Variants in DPP6 observed in about 807,000 individuals in gnomAD.
The protein encoded by DPP6 is A-type potassium channel modulatory protein DPP6.
In DPP6, 69 loss-of-function variants were observed where a neutral mutation model predicts 122.6. That is an observed-to-expected ratio of 0.56 (90% CI 0.46 to 0.69). The LOEUF (loss-of-function observed/expected upper bound fraction) is 0.69. Among genes scored for constraint, DPP6 ranks in the 30% least tolerant of loss-of-function variants. The pLI is 0.00. For missense variants in DPP6, 928 were observed against 1,116.9 expected (o/e 0.83, Z 2.41); for synonymous variants, 418 against 433.1 (o/e 0.97, Z 0.43).
At chr7:154,741,208 G>A (rs948373811) in intron 8 of DPP6, among the ~76,000 whole-genome samples, 2 of 152,222 alleles carry the variant, frequency 1.3e-5, no homozygotes, top group African/African-American at 4.8e-5. Flanking sequence ...TGGGTTATCT[G>A]AAGTGATCAT....
intron 1 of DPP6, 29 bp downstream of exon 1, chr7:154,053,092 C>T (rs1264443168): frequency 9.6e-7 from 1 of 1,043,618 alleles, no homozygotes; most frequent in Non-Finnish European, 1.2e-6. Flanking sequence ...CGGGGGGCGG[C>T]GGCGGGTTCT....
chr7:154,769,683 T>A (rs758018751), intron 9 of DPP6, 112 bp downstream of exon 9: 8 of 1,323,756 alleles, frequency 6.0e-6, no homozygotes, highest in Non-Finnish European at 7.9e-6. Flanking sequence ...GCAAAGCAGT[T>A]AACACAAGAA....
intron 1 of DPP6, among the ~76,000 whole-genome samples, chr7:154,102,776 C>T (rs1805845476): frequency 6.6e-6 from 1 of 152,180 alleles, no homozygotes; most frequent in African/African-American, 2.4e-5. Context: ...GCTTTGCTTC[C>T]AGCTCCTTTT....
At chr7:153,904,199 G>A (rs1031727866) in intron 1 of DPP6, among the ~76,000 whole-genome samples, 2 of 152,012 alleles carry the variant, frequency 1.3e-5, no homozygotes, top group African/African-American at 2.4e-5. Flanking sequence ...CTACAGGCAC[G>A]CACCACTATG....
intron 1 of DPP6, among the ~76,000 whole-genome samples, chr7:153,969,017 G>T (rs1285190754): frequency 5.3e-5 from 8 of 151,068 alleles, no homozygotes; most frequent in Admixed American, 4.6e-4. Context: ...TGGACATTGG[G>T]GTTCTTTCCA....
chr7:153,751,918 G>T, the DPP6 span, among the ~76,000 whole-genome samples: 1 of 151,916 alleles, frequency 6.6e-6, no homozygotes, highest in Admixed American at 6.6e-5. Context: ...TATGTATTAC[G>T]TTAGACATCA....
At chr7:154,725,418 T>A (rs1009128820) in intron 7 of DPP6, among the ~76,000 whole-genome samples, 1 of 152,160 alleles carries the variant, frequency 6.6e-6, no homozygotes, top group Non-Finnish European at 1.5e-5. Flanking sequence ...AGAAAACTTT[T>A]AATCATTGTA....
At chr7:154,815,876 C>A (rs1799395857) in intron 16 of DPP6, among the ~76,000 whole-genome samples, 1 of 152,204 alleles carries the variant, frequency 6.6e-6, no homozygotes, top group Admixed American at 6.5e-5. Context: ...AGACAGGCTT[C>A]TCCTTCTCCA....
rs538845157 is a variant in DPP6 at position 154,173,719 on chromosome 7, C to T, written c.243+120656C>T. Among the ~76,000 whole-genome samples, 13 of 152,294 alleles carry T rather than the reference C, an allele frequency of 8.5e-5. No homozygotes were observed. In the East Asian group the frequency reaches 2.1e-3, roughly 25 times the overall value. On this transcript the variant is annotated intron_variant, in intron 1 of 25. Coordinates refer to ENST00000377770, the MANE Select transcript of DPP6 (RefSeq NM_130797.4). ...TCTGTGTTATTGAAGGGGACAGACA[C>T]GGGATTCCTATTATGGCCAACGCAG... is the stretch of plus-strand genomic sequence containing the variant.
intron 1 of DPP6, among the ~76,000 whole-genome samples, chr7:154,071,283 A>C (rs1422839103): frequency 3.3e-5 from 5 of 152,168 alleles, no homozygotes; most frequent in Admixed American, 2.0e-4. Context: ...TTATCCCTGG[A>C]ATAACCTTGT....
chr7:154,229,356 G>GT (rs1800785758), intron 1 of DPP6, among the ~76,000 whole-genome samples: 1 of 152,178 alleles, frequency 6.6e-6, no homozygotes, highest in African/African-American at 2.4e-5. Flanking sequence ...AATTTCCATT[G>GT]AAAGCTCTGC....
chr7:154,506,866 G>A (rs923099867), intron 3 of DPP6, among the ~76,000 whole-genome samples: 4 of 152,196 alleles, frequency 2.6e-5, no homozygotes, highest in African/African-American at 9.7e-5. Context: ...TGCACTTTCA[G>A]TTAGGAGGAT....
the DPP6 span, among the ~76,000 whole-genome samples, chr7:153,754,715 T>C: frequency 2.6e-5 from 4 of 152,184 alleles, no homozygotes; most frequent in African/African-American, 4.8e-5. Flanking sequence ...TCATCATTTT[T>C]CCAAGATACT....
At chr7:154,149,328 A>AGCCCT (rs1198396232) in intron 1 of DPP6, among the ~76,000 whole-genome samples, 1 of 152,234 alleles carries the variant, frequency 6.6e-6, no homozygotes, top group Non-Finnish European at 1.5e-5. Context: ...TGTTGTTTCA[A>AGCCCT]GCCCTGCCCT....
rs144364462 is a variant in DPP6, at chr7:154,736,908, A to C, written c.883+9021A>C. ...TCTTATTAGAATTTCCATTTCCACA[A>C]AATTCCCTCAACAGAAAAACACCTG... On this transcript the variant is annotated intron_variant, in intron 8 of 25. Transcript: ENST00000377770. Among the ~76,000 whole-genome samples the C allele has an allele frequency of 6.3e-4, 96 of 152,362 alleles. 2 individuals are homozygous for C. The East Asian group carries it at 0.014, about 23-fold the overall frequency.
chr7:154,156,332 A>G (rs923401254), intron 1 of DPP6, among the ~76,000 whole-genome samples: 6 of 152,330 alleles, frequency 3.9e-5, no homozygotes, highest in African/African-American at 1.2e-4. Context: ...TTTAAACAGG[A>G]GTCCTGAAAA....
At chr7:153,866,700 T>G in the DPP6 span, among the ~76,000 whole-genome samples, 1 of 152,198 alleles carries the variant, frequency 6.6e-6, no homozygotes, top group Non-Finnish European at 1.5e-5. Flanking sequence ...TTGCTTTTGG[T>G]GTTTTAGACA....
intron 10 of DPP6, among the ~76,000 whole-genome samples, chr7:154,790,032 T>C (rs60936091): frequency 1.2e-3 from 189 of 152,242 alleles, no homozygotes; most frequent in Admixed American, 9.0e-3. Flanking sequence ...ACCCCGTCTC[T>C]ACTAAAAATA....
At chr7:154,150,731 G>C (rs1325371288) in intron 1 of DPP6, among the ~76,000 whole-genome samples, 1 of 152,224 alleles carries the variant, frequency 6.6e-6, no homozygotes, top group Non-Finnish European at 1.5e-5. Flanking sequence ...CGCTGGCCCA[G>C]GCCGGGTCCT....
Sources: allele counts gnomAD v4.1 joint callset (sites outside exome capture counted in the v4.1 genomes callset), GRCh38; gene constraint gnomAD v4.1.1; transcripts MANE v1.5; gene names NCBI Gene and HGNC (gene_info 2026-07-23, HGNC 2026-07-21).